FAM135B: variants seen among roughly 807,000 people sequenced by gnomAD.
The protein encoded by FAM135B is protein FAM135B.
In FAM135B, 43 loss-of-function variants were observed where a neutral mutation model predicts 127.7. That is an observed-to-expected ratio of 0.34 (90% CI 0.26 to 0.43). The LOEUF (loss-of-function observed/expected upper bound fraction) is 0.43, where lower values mean the gene tolerates loss of function less well. Ranked by LOEUF, FAM135B falls within the 20% of genes least tolerant of loss-of-function variation. The probability of loss-of-function intolerance (pLI) is 1.00; values close to 1 mark genes in which losing one functional copy is unlikely to be tolerated. For missense variants in FAM135B, 1,558 were observed against 1,725.6 expected, an observed-to-expected ratio of 0.90 and a Z score of 1.72; for synonymous variants, 670 against 665.1, an observed-to-expected ratio of 1.01 and a Z score of -0.11.
rs544174356 is a variant in FAM135B, at chr8:138,143,687, G to C, written c.3541-578C>G. On this transcript the variant is annotated intron_variant, in intron 15 of 19. Coordinates refer to ENST00000395297, the MANE Select transcript of FAM135B (RefSeq NM_015912.4). Reference sequence around the variant, plus strand: ...GGGCAGCAACAAGGAAGATATATTAGATTGGTTTCTATAACCTCAAGGACT... The same window carrying C: ...GGGCAGCAACAAGGAAGATATATTACATTGGTTTCTATAACCTCAAGGACT... Among the ~76,000 whole-genome samples the C allele has an allele frequency of 1.0e-3, 153 of 152,346 alleles. 1 individual carries two copies. Among genetic ancestry groups the C allele is most frequent in the African/African-American group, 3.3e-3 (136 of 41,568 alleles).
chr8:138,389,909 A>G (rs777911893), intron 1 of FAM135B, among the ~76,000 whole-genome samples: 1 of 152,162 alleles, frequency 6.6e-6, no homozygotes, highest in Non-Finnish European at 1.5e-5. Context: ...TCAGCCCTAA[A>G]GTAGTTAGAG....
rs115301425 is a variant in FAM135B, at chr8:138,396,984, G to A, written c.-19-28982C>T. ...GCAAACTAAAAAATGTATAAAATCA[G>A]GGTTCCTTGACTAATTTGTCCAACA... On this transcript the variant is annotated intron_variant, in intron 1 of 19. Coordinates refer to ENST00000395297, the MANE Select transcript of FAM135B (RefSeq NM_015912.4). Among the ~76,000 whole-genome samples the A allele has an allele frequency of 7.7e-3, 1,180 of 152,274 alleles. 22 individuals are homozygous for A. The highest frequency in any genetic ancestry group is 0.025 in the African/African-American group (1,055 of 41,548).
intron 3 of FAM135B, among the ~76,000 whole-genome samples, chr8:138,290,314 C>T (rs1484841212): frequency 6.6e-6 from 1 of 152,158 alleles, no homozygotes; most frequent in African/African-American, 2.4e-5. Context: ...GGATTTCAAT[C>T]AGAAGAGAAA....
chr8:138,187,987 G>A (rs1027781208), intron 9 of FAM135B, among the ~76,000 whole-genome samples: 3 of 152,178 alleles, frequency 2.0e-5, no homozygotes, highest in African/African-American at 7.2e-5. Context: ...GAGAGGTTCT[G>A]GGTTAGTGAA....
chr8:138,262,584 C>T (rs927722739), intron 4 of FAM135B, among the ~76,000 whole-genome samples: 3 of 152,032 alleles, frequency 2.0e-5, no homozygotes, highest in African/African-American at 7.2e-5. Context: ...GGGTGATTTA[C>T]AAAGTGTGTG....
intron 1 of FAM135B, among the ~76,000 whole-genome samples, chr8:138,399,429 T>C (rs556015230): frequency 9.0e-4 from 137 of 152,216 alleles, no homozygotes; most frequent in South Asian, 3.1e-3. Context: ...CCTACCAAAA[T>C]AAGTGGTTTT....
rs1459929966 is a variant in FAM135B, at chr8:138,138,981, C to T, written c.3901+5G>A. The T allele has an allele frequency of 3.2e-6, 5 of 1,587,090 alleles. No homozygotes were observed. Among genetic ancestry groups the T allele is most frequent in the South Asian group, 1.1e-5 (1 of 90,496 alleles). On this transcript the variant is annotated splice_donor_5th_base_variant and intron_variant, in intron 18 of 19. Transcript: ENST00000395297. ...ATAACTGCAGCTGTGGGGGAAACCA[C>T]TGACCTGTTTTTTGGCTTAGTTGGT... is the stretch of plus-strand genomic sequence containing the variant.
intron 2 of FAM135B, among the ~76,000 whole-genome samples, chr8:138,361,489 T>C (rs1262612992): frequency 6.6e-6 from 1 of 152,116 alleles, no homozygotes; most frequent in African/African-American, 2.4e-5. Flanking sequence ...CAATGCAAAG[T>C]CAAATAAGAT....
At chr8:138,357,577 T>C (rs1830171399) in intron 2 of FAM135B, among the ~76,000 whole-genome samples, 1 of 152,134 alleles carries the variant, frequency 6.6e-6, no homozygotes, top group African/African-American at 2.4e-5. Context: ...CATACACAGA[T>C]ACATATATGT....
chr8:138,151,325 C>G lies in FAM135B; in HGVS notation c.3150G>C (p.Glu1050Asp), dbSNP rs755156675. ...TCLPFSSVPK[E>D]TPARAGFSSK... is the part of the protein sequence containing the mutation. ...AAGAGAATCCAGCCCTGGCAGGGGT[C>G]TCCTTGGGCACAGATGAGAAAGGGA... Residue 1050 changes from glutamate (E) to aspartate (D), a missense_variant, in exon 13 of 20, where the codon GAG becomes GAC. Glu to Asp is a conservative substitution (Grantham distance 45, BLOSUM62 2). Coordinates refer to ENST00000395297, the MANE Select transcript of FAM135B (RefSeq NM_015912.4). 28 of 1,613,888 alleles carry G rather than the reference C, an allele frequency of 1.7e-5. No homozygotes were observed. The highest frequency in any genetic ancestry group is 2.2e-5 in the Non-Finnish European group (26 of 1,180,012).
intron 3 of FAM135B, among the ~76,000 whole-genome samples, chr8:138,299,849 T>C (rs1825749347): frequency 6.6e-6 from 1 of 152,190 alleles, no homozygotes; most frequent in Non-Finnish European, 1.5e-5. Context: ...ACACGTGTTG[T>C]AGAAAAATAA....
chr8:138,240,078 C>T (rs940496667), intron 7 of FAM135B, among the ~76,000 whole-genome samples: 1 of 152,088 alleles, frequency 6.6e-6, no homozygotes, highest in Non-Finnish European at 1.5e-5. Context: ...AGCACACCAA[C>T]ATGGCACATG....
chr8:138,472,062 G>C (rs1364285409), intron 1 of FAM135B, among the ~76,000 whole-genome samples: 1 of 152,098 alleles, frequency 6.6e-6, no homozygotes, highest in Non-Finnish European at 1.5e-5. Context: ...AGTGGGAAAA[G>C]AATAAATGAG....
chr8:138,306,798 G>A (rs186188793), intron 3 of FAM135B, among the ~76,000 whole-genome samples: 142 of 152,198 alleles, frequency 9.3e-4, no homozygotes, highest in African/African-American at 3.0e-3. Context: ...TGGCCAGGCT[G>A]GTCCTGAACT....
At chr8:138,388,195 AC>A (rs1159214529) in intron 1 of FAM135B, among the ~76,000 whole-genome samples, 4 of 152,074 alleles carry the variant, frequency 2.6e-5, no homozygotes, top group African/African-American at 9.7e-5. Flanking sequence ...CAACAATGAG[AC>A]CCCACTACAT....
rs112065645 is a variant in FAM135B, at chr8:138,197,568, G to C, written c.771C>G (p.Leu257=). 1.3e-4 allele frequency: 208 copies of C among 1,614,112 alleles called. No homozygotes were observed. The African/African-American group carries it at 2.4e-3, about 18-fold the overall frequency. Residue 257 remains leucine (L), a synonymous_variant, in exon 8 of 20, where the codon CTC becomes CTG. Coordinates refer to ENST00000395297, the MANE Select transcript of FAM135B (RefSeq NM_015912.4). ...LLLHAYRGLR[L]HFLVIMRDIP... ...TGTCCCGCATGATCACCAGGAAGTG[G>C]AGACGGAGACCCCGGTAAGCGTGGA...
At chr8:138,174,731 A>G (rs1814271232) in intron 11 of FAM135B, among the ~76,000 whole-genome samples, 1 of 152,150 alleles carries the variant, frequency 6.6e-6, no homozygotes, top group Non-Finnish European at 1.5e-5. Context: ...TCCGTCTCCC[A>G]TCTGATTCAG....
chr8:138,218,231 C>T lies in FAM135B; in HGVS notation c.670-20562G>A, dbSNP rs1043740037. Among the ~76,000 whole-genome samples, 4 of 152,102 alleles carry T rather than the reference C, an allele frequency of 2.6e-5. No homozygotes were observed. In the East Asian group the frequency reaches 7.7e-4, roughly 29 times the overall value. On this transcript the variant is annotated intron_variant, in intron 7 of 19. Coordinates refer to ENST00000395297, the MANE Select transcript of FAM135B (RefSeq NM_015912.4). Reference sequence around the variant, plus strand: ...AGCAAAGATAGAAATAATTCTACTTCTATTACTTCTAATTAAAGCTCTACT... The same window carrying T: ...AGCAAAGATAGAAATAATTCTACTTTTATTACTTCTAATTAAAGCTCTACT...
At chr8:138,478,598 G>A (rs1035582729) in intron 1 of FAM135B, among the ~76,000 whole-genome samples, 1 of 152,054 alleles carries the variant, frequency 6.6e-6, no homozygotes. Context: ...AGTGTTGAAG[G>A]GTGCTTCTAA....
Sources: allele counts gnomAD v4.1 joint callset (sites outside exome capture counted in the v4.1 genomes callset), GRCh38; gene constraint gnomAD v4.1.1; transcripts MANE v1.5; gene names NCBI Gene and HGNC (gene_info 2026-07-23, HGNC 2026-07-21).